The following KCNIP4 variants were observed in gnomAD, a reference collection of about 807,000 sequenced individuals.
KCNIP4 encodes the protein potassium voltage-gated channel interacting protein 4, also known as Kv channel-interacting protein 4.
KCNIP4 carries 12 observed loss-of-function variants against 34.0 expected under a neutral mutation model. That is an observed-to-expected ratio of 0.35 (90% CI 0.23 to 0.57). KCNIP4 has a LOEUF of 0.57. Among genes scored for constraint, KCNIP4 ranks in the 20% least tolerant of loss-of-function variants. The pLI, the probability that KCNIP4 is intolerant of heterozygous loss-of-function variation, is 0.83. For missense variants in KCNIP4, 238 were observed against 311.7 expected (o/e 0.76, Z 1.78); for synonymous variants, 124 against 102.2 (o/e 1.21, Z -1.29).
chr4:21,559,474 C>A (rs1577595128), intron 1 of KCNIP4, among the ~76,000 whole-genome samples: 1 of 152,012 alleles, frequency 6.6e-6, no homozygotes, highest in East Asian at 1.9e-4. Flanking sequence ...ATACCCAGAC[C>A]CATTCAAGGA....
intron 1 of KCNIP4, among the ~76,000 whole-genome samples, chr4:21,686,990 T>TA (rs1185662375): frequency 6.7e-6 from 1 of 148,722 alleles, no homozygotes; most frequent in Non-Finnish European, 1.5e-5. Flanking sequence ...TATGCAGCCA[T>TA]AAAAAATGAT....
At chr4:21,927,704 T>C (rs1216123784) in intron 1 of KCNIP4, among the ~76,000 whole-genome samples, 1 of 152,154 alleles carries the variant, frequency 6.6e-6, no homozygotes, top group African/African-American at 2.4e-5. Flanking sequence ...TCAAGTCGCA[T>C]TACCTTGTTT....
intron 1 of KCNIP4, among the ~76,000 whole-genome samples, chr4:21,837,532 C>CAAAAAAAAAAAAA (rs60449238): frequency 2.9e-4 from 23 of 78,508 alleles, no homozygotes; most frequent in African/African-American, 9.7e-4. Flanking sequence ...AAAACGCTGT[C>CAAAAAAAAAAAAA]AAAAAAAAAA....
At chr4:21,497,159 T>C (rs935685698) in intron 1 of KCNIP4, among the ~76,000 whole-genome samples, 21 of 152,184 alleles carry the variant, frequency 1.4e-4, no homozygotes, top group African/African-American at 5.1e-4. Context: ...TGGGACACTA[T>C]TCACATGAAC....
chr4:21,924,662 A>G (rs1047035329), intron 1 of KCNIP4, among the ~76,000 whole-genome samples: 13 of 152,136 alleles, frequency 8.5e-5, no homozygotes, highest in African/African-American at 2.9e-4. Context: ...GTCTCCATCA[A>G]TTTTTTAAGG....
At chr4:21,311,317 T>C (rs556860955) in intron 1 of KCNIP4, among the ~76,000 whole-genome samples, 14 of 152,316 alleles carry the variant, frequency 9.2e-5, no homozygotes, top group Admixed American at 8.5e-4. Flanking sequence ...ACACATTGCT[T>C]ATACCCACCC....
chr4:20,797,553 C>CA (rs1217690340), intron 3 of KCNIP4, among the ~76,000 whole-genome samples: 2 of 152,186 alleles, frequency 1.3e-5, no homozygotes, highest in Admixed American at 6.5e-5. Flanking sequence ...GATCTTAAGA[C>CA]AGAGAATTTA....
intron 1 of KCNIP4, among the ~76,000 whole-genome samples, chr4:21,003,374 T>C (rs897451715): frequency 4.6e-5 from 7 of 152,236 alleles, no homozygotes; most frequent in Non-Finnish European, 8.8e-5. Flanking sequence ...GTGTGATTCC[T>C]TGAAGTATGT....
intron 1 of KCNIP4, among the ~76,000 whole-genome samples, chr4:21,872,711 G>A (rs183517599): frequency 6.6e-6 from 1 of 152,276 alleles, no homozygotes; most frequent in Non-Finnish European, 1.5e-5. Flanking sequence ...ACAACCCTAA[G>A]ATCTAATTTA....
At chr4:21,374,164 T>A (rs557051261) in intron 1 of KCNIP4, among the ~76,000 whole-genome samples, 1 of 147,482 alleles carries the variant, frequency 6.8e-6, no homozygotes, top group Non-Finnish European at 1.5e-5. Flanking sequence ...TAAACCAACA[T>A]GACTAACCAC....
chr4:21,139,383 C>T (rs934010838), intron 1 of KCNIP4, among the ~76,000 whole-genome samples: 2 of 152,172 alleles, frequency 1.3e-5, no homozygotes, highest in African/African-American at 4.8e-5. Flanking sequence ...GGGAAGAATG[C>T]CAACATGTTT....
At chr4:21,497,171 A>AT (rs1732920648) in intron 1 of KCNIP4, among the ~76,000 whole-genome samples, 1 of 152,214 alleles carries the variant, frequency 6.6e-6, no homozygotes, top group Non-Finnish European at 1.5e-5. Context: ...CACATGAACT[A>AT]TGATGTAAAG....
At chr4:21,058,856 T>C (rs569835256) in intron 1 of KCNIP4, among the ~76,000 whole-genome samples, 169 of 152,246 alleles carry the variant, frequency 1.1e-3, no homozygotes, top group African/African-American at 3.8e-3. Context: ...ATTCTTCTGA[T>C]TAAAAATGAT....
At chr4:21,181,446 T>C (rs114469849) in intron 1 of KCNIP4, among the ~76,000 whole-genome samples, 3,789 of 152,234 alleles carry the variant, frequency 0.025, 73 homozygotes, top group Non-Finnish European at 0.026. Context: ...GATTCTACTA[T>C]AGGTGGGAGT....
At chr4:21,089,168 T>C (rs1424113017) in intron 1 of KCNIP4, among the ~76,000 whole-genome samples, 2 of 152,184 alleles carry the variant, frequency 1.3e-5, no homozygotes, top group African/African-American at 4.8e-5. Context: ...TTCTCCAATG[T>C]TGGAGTAGGG....
chr4:20,751,538 GAA>G (rs34470537), intron 4 of KCNIP4, among the ~76,000 whole-genome samples: 9 of 147,416 alleles, frequency 6.1e-5, no homozygotes, highest in South Asian at 4.3e-4. Context: ...TTCAGAGGAG[GAA>G]AAAAAAAAGA....
chr4:21,530,428 T>A (rs910301357), intron 1 of KCNIP4, among the ~76,000 whole-genome samples: 1 of 152,290 alleles, frequency 6.6e-6, no homozygotes, highest in Non-Finnish European at 1.5e-5. Flanking sequence ...TCTTTAAATA[T>A]TTGCTTTTCT....
At chr4:20,730,871 C>T (rs902621086) in intron 8 of KCNIP4, among the ~76,000 whole-genome samples, 16 of 152,132 alleles carry the variant, frequency 1.1e-4, no homozygotes, top group Admixed American at 3.3e-4. Context: ...GTGGCTGAAC[C>T]AATAATGGCT....
At chr4:21,429,914 C>T (rs2109661342) in intron 1 of KCNIP4, among the ~76,000 whole-genome samples, 1 of 152,238 alleles carries the variant, frequency 6.6e-6, no homozygotes, top group African/African-American at 2.4e-5. Flanking sequence ...TAATCCTGAT[C>T]TTTCTGTTCA....
Sources: gnomAD v4.1 joint callset for allele counts (sites outside exome capture counted in the v4.1 genomes callset) on GRCh38, gnomAD v4.1.1 for gene constraint, MANE v1.5 for transcripts, NCBI Gene and HGNC (gene_info 2026-07-23, HGNC 2026-07-21) for gene names.